The following BCAS3 variants were observed in gnomAD, a reference collection of about 807,000 sequenced individuals.
The protein encoded by BCAS3 is BCAS3 microtubule associated cell migration factor.
BCAS3 carries 53 observed loss-of-function variants against 116.1 expected under a neutral mutation model. The observed-to-expected ratio is 0.46, with a 90% CI of 0.37 to 0.57. BCAS3 has a LOEUF of 0.57. BCAS3 is among the 20% of genes least tolerant of loss of function. BCAS3 has a pLI of 0.00. For missense variants in BCAS3, 917 were observed against 1,165.4 expected (o/e 0.79, Z 3.10); for synonymous variants, 391 against 408.2 (o/e 0.96, Z 0.51).
chr17:61,067,850 T>A (rs1387684592), intron 19 of BCAS3, among the ~76,000 whole-genome samples: 2 of 151,860 alleles, frequency 1.3e-5, no homozygotes, highest in Non-Finnish European at 2.9e-5. Flanking sequence ...ACTATAAGCA[T>A]GATTTGCTTA....
intron 23 of BCAS3, among the ~76,000 whole-genome samples, chr17:61,369,578 GC>G (rs140061325): frequency 2.2e-3 from 335 of 152,286 alleles, no homozygotes; most frequent in African/African-American, 7.5e-3. Context: ...TTATGGTCAG[GC>G]GTTTCCCTCA....
intron 4 of BCAS3, among the ~76,000 whole-genome samples, chr17:60,701,810 A>C (rs2036437226): frequency 6.7e-6 from 1 of 150,018 alleles, no homozygotes; most frequent in African/African-American, 2.5e-5. Flanking sequence ...AAATACAAAA[A>C]AAAAAAAAAA....
At chr17:60,795,695 T>C (rs1598768914) in intron 6 of BCAS3, among the ~76,000 whole-genome samples, 1 of 152,106 alleles carries the variant, frequency 6.6e-6, no homozygotes, top group Admixed American at 6.5e-5. Flanking sequence ...TGTTTGCTTG[T>C]TTGTTTGTTT....
At chr17:61,386,314 G>A (rs2059846221) in intron 23 of BCAS3, among the ~76,000 whole-genome samples, 1 of 152,184 alleles carries the variant, frequency 6.6e-6, no homozygotes, top group Non-Finnish European at 1.5e-5. Context: ...TTCTCTTGAG[G>A]CTGGGGGCTG....
chr17:61,016,354 A>G (rs1167420350), intron 16 of BCAS3, among the ~76,000 whole-genome samples: 1 of 152,232 alleles, frequency 6.6e-6, no homozygotes, highest in Admixed American at 6.5e-5. Flanking sequence ...ACATATAATA[A>G]TCTGTCATTA....
chr17:61,230,194 A>AT (rs2082594213), intron 22 of BCAS3, among the ~76,000 whole-genome samples: 2 of 152,090 alleles, frequency 1.3e-5, no homozygotes, highest in Non-Finnish European at 2.9e-5. Flanking sequence ...ATATGTGCAT[A>AT]TATGTATACT....
In BCAS3 at chr17:61,019,004, A is replaced by AATAT. The variant is rs2065688179; in HGVS notation, c.1637+3104_1637+3105insTATA. Among the ~76,000 whole-genome samples the AATAT allele has an allele frequency of 3.3e-5, 5 of 152,146 alleles. No homozygotes were observed. Among genetic ancestry groups the AATAT allele is most frequent in the African/African-American group, 1.2e-4 (5 of 41,418 alleles). ...ATTAATATAGAGTACAGTGACTGAT[A>AATAT]AGACTTTGATGATAGTGGTCAGTCA... On this transcript the variant is annotated intron_variant, in intron 16 of 23. Coordinates refer to ENST00000407086, the MANE Select transcript of BCAS3 (RefSeq NM_017679.5). The surrounding 1 kb of genome is among the most constrained non-coding windows in gnomAD (Gnocchi z 5.6).
At chr17:61,179,928 C>G (rs2144165676) in intron 22 of BCAS3, among the ~76,000 whole-genome samples, 1 of 134,246 alleles carries the variant, frequency 7.4e-6, no homozygotes, top group East Asian at 2.3e-4. Flanking sequence ...GTGGCATCAT[C>G]TAGAAGCACT....
intron 6 of BCAS3, among the ~76,000 whole-genome samples, chr17:60,781,576 A>G (rs1357045425): frequency 1.3e-5 from 2 of 151,958 alleles, no homozygotes; most frequent in Non-Finnish European, 2.9e-5. Flanking sequence ...TCCAGCCTGG[A>G]TGACAGAGTG....
At position 61,239,181 on chromosome 17, in the gene BCAS3, T is replaced by C. The variant is rs1348602485; in HGVS notation, c.2426-129146T>C. The stretch of plus-strand genomic sequence containing the variant: ...AATGCAAAAGCAAAAAGGAATAAAA[T>C]AGCAGGTTACCATAGTATAGATAGT... On this transcript the variant is annotated intron_variant, in intron 22 of 23. Transcript: ENST00000407086. This position sits in a 1 kb window ranked among gnomAD's most constrained non-coding sequence, Gnocchi z 4.2. Among the ~76,000 whole-genome samples the C allele has an allele frequency of 1.3e-5, 2 of 152,186 alleles. No individual in the cohort carries two copies. The highest frequency in any genetic ancestry group is 2.9e-5 in the Non-Finnish European group (2 of 68,022).
intron 22 of BCAS3, among the ~76,000 whole-genome samples, chr17:61,148,111 A>G (rs1338874072): frequency 6.6e-6 from 1 of 152,242 alleles, no homozygotes; most frequent in East Asian, 1.9e-4. Context: ...AATTTTAGAT[A>G]AGTAGAGACA....
rs1227318077 is a variant in BCAS3 at position 61,258,410 on chromosome 17, G to A, written c.2426-109917G>A. Among the ~76,000 whole-genome samples, 1 of 152,214 alleles carries A rather than the reference G, an allele frequency of 6.6e-6. No homozygotes were observed. Among genetic ancestry groups the A allele is most frequent in the African/African-American group, 2.4e-5 (1 of 41,462 alleles). On this transcript the variant is annotated intron_variant, in intron 22 of 23. Transcript: ENST00000407086. This position sits in a 1 kb window ranked among gnomAD's most constrained non-coding sequence, Gnocchi z 4.7. The stretch of plus-strand genomic sequence containing the variant: ...ATGATCAAAAGAACACAGGTTTTTA[G>A]AGGCAGGTTTATCTAGGTTTGAGTT...
In BCAS3 at chr17:61,012,219, T is replaced by TA. The variant is rs1407744332; in HGVS notation, c.1487-3531dup. Among the ~76,000 whole-genome samples the TA allele has an allele frequency of 6.6e-6, 1 of 152,076 alleles. No individual in the cohort carries two copies. The highest frequency in any genetic ancestry group is 2.4e-5 in the African/African-American group (1 of 41,438). On this transcript the variant is annotated intron_variant, in intron 15 of 23. Coordinates refer to ENST00000407086, the MANE Select transcript of BCAS3 (RefSeq NM_017679.5). The surrounding 1 kb of genome is among the most constrained non-coding windows in gnomAD (Gnocchi z 4.5). Reference sequence around the variant, plus strand: ...GAACTCTTTGAAAGTCCCTTGGACTTACTCCTTCAGAATCTAGAACAGGGC... The same window carrying TA: ...GAACTCTTTGAAAGTCCCTTGGACTTAACTCCTTCAGAATCTAGAACAGGGC...
chr17:61,067,273 G>GTGTGTGTGTATA (rs1251223420), intron 19 of BCAS3, among the ~76,000 whole-genome samples: 1 of 58,796 alleles, frequency 1.7e-5, no homozygotes, highest in African/African-American at 8.6e-5. Flanking sequence ...GTGTGTATGT[G>GTGTGTGTGTATA]TATATATATA....
chr17:61,050,884 A>G (rs994190487), intron 19 of BCAS3, among the ~76,000 whole-genome samples: 7 of 152,008 alleles, frequency 4.6e-5, no homozygotes, highest in Non-Finnish European at 4.4e-5. Context: ...TCGGCTCTAA[A>G]ACAAATCCCA....
At chr17:60,998,942 T>G (rs759071453) in intron 15 of BCAS3, among the ~76,000 whole-genome samples, 6 of 152,176 alleles carry the variant, frequency 3.9e-5, no homozygotes, top group Admixed American at 3.3e-4. Flanking sequence ...TTTTTATAGT[T>G]TCAGGTCTTA....
chr17:61,086,861 A>G, intron 22 of BCAS3: 2 of 985,284 alleles, frequency 2.0e-6, no homozygotes, highest in Non-Finnish European at 2.4e-6. Context: ...ATTGGTTCAG[A>G]TCCCTTTTGA....
chr17:61,262,268 G>A (rs2144590862), intron 22 of BCAS3, among the ~76,000 whole-genome samples: 1 of 151,764 alleles, frequency 6.6e-6, no homozygotes, highest in Non-Finnish European at 1.5e-5. Flanking sequence ...AAAGAAGCTA[G>A]GAATAATCCT....
chr17:61,252,297 G>A (rs1602201631), intron 22 of BCAS3, among the ~76,000 whole-genome samples: 1 of 152,220 alleles, frequency 6.6e-6, no homozygotes, highest in East Asian at 1.9e-4. Context: ...GTTATGAAAA[G>A]AGAGTGTATT....
Sources: allele counts gnomAD v4.1 joint callset (sites outside exome capture counted in the v4.1 genomes callset), GRCh38; gene constraint gnomAD v4.1.1; non-coding constraint Gnocchi (gnomAD v3.1); transcripts MANE v1.5; gene names NCBI Gene and HGNC (gene_info 2026-07-23, HGNC 2026-07-21).